The following ZNF804B variants were observed in gnomAD, a reference collection of about 807,000 sequenced individuals.
ZNF804B encodes zinc finger protein 804B.
A neutral mutation model predicts 101.4 loss-of-function variants in ZNF804B; 80 were observed. The ratio of observed to expected loss-of-function variants is 0.79; its 90% CI spans 0.66 to 0.95. ZNF804B has a LOEUF of 0.95. Ranked by LOEUF, ZNF804B falls within the 40% of genes least tolerant of loss-of-function variation. The pLI is 0.00. For synonymous variants in ZNF804B, 622 were observed against 558.8 expected, an observed-to-expected ratio of 1.11 and a Z score of -1.59; for missense variants, 1,673 against 1,561.9, an observed-to-expected ratio of 1.07 and a Z score of -1.20.
At chr7:88,854,415 C>CTTTCTTTCTT (rs1791503520) in intron 1 of ZNF804B, among the ~76,000 whole-genome samples, 4 of 51,390 alleles carry the variant, frequency 7.8e-5, no homozygotes, top group African/African-American at 2.1e-4. Context: ...TTCTTTCTTC[C>CTTTCTTTCTT]TTTCTTTCTT....
chr7:88,847,469 A>G (rs1253022403), intron 1 of ZNF804B, among the ~76,000 whole-genome samples: 1 of 152,124 alleles, frequency 6.6e-6, no homozygotes, highest in African/African-American at 2.4e-5. Flanking sequence ...TTAAAACTGA[A>G]TTATTAAAAT....
intron 1 of ZNF804B, among the ~76,000 whole-genome samples, chr7:89,036,065 A>T (rs1173032823): frequency 6.7e-6 from 1 of 148,520 alleles, no homozygotes; most frequent in Non-Finnish European, 1.5e-5. Context: ...GCAATAGAAC[A>T]AAACACAGTA....
intron 1 of ZNF804B, among the ~76,000 whole-genome samples, chr7:88,957,284 T>C (rs1370488572): frequency 1.3e-5 from 2 of 151,482 alleles, no homozygotes; most frequent in Admixed American, 6.6e-5. Context: ...TTGCTTTCTT[T>C]CTAATTTGAT....
chr7:88,932,435 A>G (rs1391417281), intron 1 of ZNF804B, among the ~76,000 whole-genome samples: 1 of 151,948 alleles, frequency 6.6e-6, no homozygotes, highest in African/African-American at 2.4e-5. Context: ...CAAAAAAAAT[A>G]CAAAAGATAA....
At position 89,007,444 on chromosome 7, in the gene ZNF804B, TTTTATATATATA is replaced by T. The variant is rs1324761887; in HGVS notation, c.109-210709_109-210698del. Among the ~76,000 whole-genome samples, 384 of 47,700 alleles carry T rather than the reference TTTTATATATATA, an allele frequency of 8.1e-3. 7 individuals carry two copies. Among genetic ancestry groups the T allele is most frequent in the African/African-American group, 0.036 (359 of 10,018 alleles). The allele number at this position is 47,700 out of a possible 152,430, so 31.3% of individuals were successfully genotyped here. A position where few individuals can be genotyped will look rare whatever the true frequency, so the allele number is the denominator to read the frequency against. The stretch of plus-strand genomic sequence containing the variant: ...ACATGTTATCTAAAGTTATCCATGA[TTTTATATATATA>T]TATATATATATATATATATATATAT... On this transcript the variant is annotated intron_variant, in intron 1 of 3. Coordinates refer to ENST00000333190, the MANE Select transcript of ZNF804B (RefSeq NM_181646.5).
At chr7:89,185,821 C>T (rs1474127644) in intron 1 of ZNF804B, among the ~76,000 whole-genome samples, 1 of 151,960 alleles carries the variant, frequency 6.6e-6, no homozygotes, top group East Asian at 1.9e-4. Flanking sequence ...AATCACACCA[C>T]TGCACTCCAG....
chr7:89,015,678 A>G (rs1788540812), intron 1 of ZNF804B, among the ~76,000 whole-genome samples: 3 of 152,060 alleles, frequency 2.0e-5, no homozygotes, highest in Non-Finnish European at 4.4e-5. Context: ...ATCATTTTTT[A>G]TGGCTGCATA....
In ZNF804B at chr7:89,128,142, A is replaced by AT. The variant is rs142985534; in HGVS notation, c.109-90005dup. ...TCCTTTTGGGCGTTTGAATGTTTTG[A>AT]TTTTTTTTAGTATAAAATCTAATTG... On this transcript the variant is annotated intron_variant, in intron 1 of 3. Transcript: ENST00000333190. 3.6e-3 allele frequency among the ~76,000 whole-genome samples: 543 copies of AT among 151,608 alleles called. 3 individuals carry two copies. The highest frequency in any genetic ancestry group is 6.1e-3 in the Non-Finnish European group (410 of 67,746).
rs1387348361 is a variant in ZNF804B at position 88,907,124 on chromosome 7, C to A, written c.108+147040C>A. Among the ~76,000 whole-genome samples the A allele has an allele frequency of 4.0e-5, 6 of 151,884 alleles. No homozygotes were observed. In the East Asian group the frequency reaches 1.2e-3, roughly 29 times the overall value. On this transcript the variant is annotated intron_variant, in intron 1 of 3. Transcript: ENST00000333190. ...CATGTCCACTACAAATTTGGTTTTA[C>A]CCATATATTTCATATTTTTACTATT... is the stretch of plus-strand genomic sequence containing the variant.
intron 1 of ZNF804B, among the ~76,000 whole-genome samples, chr7:88,951,413 T>A (rs889494591): frequency 1.3e-5 from 2 of 151,932 alleles, no homozygotes; most frequent in African/African-American, 2.4e-5. Flanking sequence ...TACCTGTACA[T>A]TTCTTCTTCA....
chr7:89,304,301 A>AT (rs1162489666), intron 2 of ZNF804B, among the ~76,000 whole-genome samples: 3 of 151,710 alleles, frequency 2.0e-5, no homozygotes, highest in Non-Finnish European at 1.5e-5. Flanking sequence ...ATCCTCCAGT[A>AT]TTTTTCCATT....
intron 1 of ZNF804B, among the ~76,000 whole-genome samples, chr7:89,044,403 G>A (rs751245814): frequency 3.9e-5 from 6 of 152,260 alleles, no homozygotes; most frequent in South Asian, 2.1e-4. Context: ...CAGTAAATTG[G>A]TATCACAGAA....
intron 2 of ZNF804B, among the ~76,000 whole-genome samples, chr7:89,232,809 CA>C (rs1375058009): frequency 6.6e-6 from 1 of 152,136 alleles, no homozygotes; most frequent in East Asian, 1.9e-4. Flanking sequence ...TCTTTACAAA[CA>C]AAATCTGTTT....
In ZNF804B at chr7:89,290,608, G is replaced by A. The variant is rs546902919; in HGVS notation, c.250-36736G>A. 5.3e-5 allele frequency among the ~76,000 whole-genome samples: 8 copies of A among 152,232 alleles called. No homozygotes were observed. In the South Asian group the frequency reaches 1.5e-3, roughly 28 times the overall value. On this transcript the variant is annotated intron_variant, in intron 2 of 3. Transcript: ENST00000333190. Reference sequence around the variant, plus strand: ...TCCCCGGGGGTCTGTAGTGGTGGTAGCCATTACACCTTTGGTAGTAGAGGC... The same window carrying A: ...TCCCCGGGGGTCTGTAGTGGTGGTAACCATTACACCTTTGGTAGTAGAGGC...
chr7:89,011,185 G>C (rs1788456127), intron 1 of ZNF804B, among the ~76,000 whole-genome samples: 1 of 152,116 alleles, frequency 6.6e-6, no homozygotes, highest in African/African-American at 2.4e-5. Flanking sequence ...AGAACTATCA[G>C]ATCTTGTGAG....
chr7:89,332,020 G>GTA (rs975598739), intron 3 of ZNF804B, among the ~76,000 whole-genome samples: 1 of 150,868 alleles, frequency 6.6e-6, no homozygotes, highest in Non-Finnish European at 1.5e-5. Context: ...TAATATACAT[G>GTA]TATATATACT....
rs370986605 is a variant in ZNF804B at position 88,921,921 on chromosome 7, C to CTAAG, written c.108+161840_108+161841insGTAA. Among the ~76,000 whole-genome samples, 161 of 152,012 alleles carry CTAAG rather than the reference C, an allele frequency of 1.1e-3. 2 individuals carry two copies. Among genetic ancestry groups the CTAAG allele is most frequent in the African/African-American group, 3.8e-3 (159 of 41,506 alleles). ...CTGATATATAACTAGCTGTGCCTCA[C>CTAAG]TAAAGAAGAATTTAAAGTTTGAAAA... On this transcript the variant is annotated intron_variant, in intron 1 of 3. Coordinates refer to ENST00000333190, the MANE Select transcript of ZNF804B (RefSeq NM_181646.5).
At chr7:89,056,536 C>T (rs1789297876) in intron 1 of ZNF804B, among the ~76,000 whole-genome samples, 1 of 152,108 alleles carries the variant, frequency 6.6e-6, no homozygotes, top group Non-Finnish European at 1.5e-5. Context: ...AAAATCCCTC[C>T]TGCCTCCAGT....
At chr7:89,056,034 C>G (rs1018346124) in intron 1 of ZNF804B, among the ~76,000 whole-genome samples, 12 of 151,998 alleles carry the variant, frequency 7.9e-5, no homozygotes, top group African/African-American at 1.2e-4. Flanking sequence ...TGAGGAAATT[C>G]CAAAGAGACT....
Sources: allele counts gnomAD v4.1 joint callset (sites outside exome capture counted in the v4.1 genomes callset), GRCh38; gene constraint gnomAD v4.1.1; transcripts MANE v1.5; gene names NCBI Gene and HGNC (gene_info 2026-07-23, HGNC 2026-07-21).